INTS4: variants seen among roughly 807,000 people sequenced by gnomAD.
INTS4 encodes MSTP093.
A neutral mutation model predicts 119.5 loss-of-function variants in INTS4; 70 were observed. The ratio of observed to expected loss-of-function variants is 0.59; its 90% confidence interval spans 0.48 to 0.71. The LOEUF (loss-of-function observed/expected upper bound fraction) is 0.71. INTS4 is among the 30% of genes least tolerant of loss of function. INTS4 has a pLI of 0.00. For missense variants in INTS4, 867 were observed against 1,173.2 expected, an observed-to-expected ratio of 0.74 and a Z score of 3.81; for synonymous variants, 316 against 419.6, an observed-to-expected ratio of 0.75 and a Z score of 3.02.
intron 16 of INTS4, among the ~76,000 whole-genome samples, chr11:77,906,036 T>G (rs955924361): frequency 1.3e-5 from 2 of 152,210 alleles, no homozygotes; most frequent in Admixed American, 6.5e-5. Flanking sequence ...ATCTTTAAAT[T>G]TTTTAAATTA....
At chr11:77,962,958 T>A (rs563748923) in intron 4 of INTS4, among the ~76,000 whole-genome samples, 204 of 152,206 alleles carry the variant, frequency 1.3e-3, no homozygotes, top group Non-Finnish European at 2.2e-3. Flanking sequence ...GAGGTTTCAG[T>A]GAGCCAAGAT....
rs1250945524 is a variant in INTS4 at position 77,949,348 on chromosome 11, C to T, written c.918+6594G>A. Among the ~76,000 whole-genome samples the T allele has an allele frequency of 7.2e-5, 11 of 151,888 alleles. No homozygotes were observed. The East Asian group carries it at 1.2e-3, about 16-fold the overall frequency. ...ACTAAAACACCAAAAGCAATGGCAA[C>T]GAAGCCAAAATTGAGAAATGGGATC... On this transcript the variant is annotated intron_variant, in intron 8 of 22. Coordinates refer to ENST00000534064, the MANE Select transcript of INTS4 (RefSeq NM_033547.4).
intron 2 of INTS4, among the ~76,000 whole-genome samples, chr11:77,986,825 C>A (rs558643211): frequency 1.8e-5 from 2 of 108,836 alleles, no homozygotes; most frequent in African/African-American, 3.6e-5. Context: ...CATCACACAC[C>A]GGGGCCTGTT....
Position 77,971,088 on chromosome 11 carries a change from G to A in INTS4, c.471+7908C>T, listed in dbSNP as rs140003180. 1.2e-3 allele frequency among the ~76,000 whole-genome samples: 180 copies of A among 152,164 alleles called. 1 individual carries two copies. Among genetic ancestry groups the A allele is most frequent in the African/African-American group, 3.9e-3 (162 of 41,570 alleles). ...CTCCCACAGTGCTGGGATTACAGGC[G>A]TGAGCCACAGCACCCAGCTCATTGT... On this transcript the variant is annotated intron_variant, in intron 4 of 22. Transcript: ENST00000534064.
intron 10 of INTS4, among the ~76,000 whole-genome samples, chr11:77,934,036 G>C (rs975784615): frequency 8.3e-5 from 5 of 60,152 alleles, no homozygotes; most frequent in Non-Finnish European, 1.3e-4. Flanking sequence ...ACTCCATTTT[G>C]TTCTGTACTA....
At chr11:77,959,036 C>T (rs568625457) in intron 6 of INTS4, among the ~76,000 whole-genome samples, 2 of 152,290 alleles carry the variant, frequency 1.3e-5, no homozygotes, top group Non-Finnish European at 2.9e-5. Context: ...ATGCACCCTA[C>T]CCCATGTCTG....
At chr11:77,904,656 A>C (rs1291998227) in intron 16 of INTS4, among the ~76,000 whole-genome samples, 2 of 152,188 alleles carry the variant, frequency 1.3e-5, no homozygotes, top group Non-Finnish European at 2.9e-5. Flanking sequence ...GAATTTCTGG[A>C]ATATTTACTT....
chr11:77,978,277 C>T (rs1856037180), intron 4 of INTS4: 2 of 152,240 alleles, frequency 1.3e-5, no homozygotes, highest in South Asian at 4.1e-4. Flanking sequence ...AGTAATCTTT[C>T]CTGCATCTCT....
At chr11:77,991,357 T>C in intron 1 of INTS4, 58 bp from the exon 2 acceptor site, 1 of 1,348,750 alleles carries the variant, frequency 7.4e-7, no homozygotes, top group Non-Finnish European at 1.1e-6. Flanking sequence ...TTTGCCTCAT[T>C]TGGTGGAAAT....
intron 15 of INTS4, among the ~76,000 whole-genome samples, chr11:77,917,099 G>A (rs1285557668): frequency 6.6e-6 from 1 of 152,066 alleles, no homozygotes; most frequent in Non-Finnish European, 1.5e-5. Flanking sequence ...ACCATCATAA[G>A]TCTTTGTCTA....
rs770904319 is a variant in INTS4, at chr11:77,928,326, A to G, written c.1371+16T>C. On this transcript the variant is annotated intron_variant, in intron 11 of 22. Transcript: ENST00000534064. ...GTGAGGGATGAAGAAATGAGTAACA[A>G]ATTAGAAACACTCACCTCTAGCACA... 1.9e-6 allele frequency: 3 copies of G among 1,612,636 alleles called. No individual in the cohort carries two copies. The Admixed American group carries it at 5.0e-5, about 27-fold the overall frequency.
chr11:77,951,029 C>T (rs1356746719), intron 8 of INTS4, among the ~76,000 whole-genome samples: 2 of 152,038 alleles, frequency 1.3e-5, no homozygotes, highest in Admixed American at 1.3e-4. Context: ...CAGCTTCATC[C>T]ATGTCCCTAC....
intron 10 of INTS4, among the ~76,000 whole-genome samples, chr11:77,936,467 C>T (rs1191463839): frequency 6.6e-6 from 1 of 152,150 alleles, no homozygotes; most frequent in African/African-American, 2.4e-5. Context: ...CCTGCAACCT[C>T]TAACTCCTGC....
At chr11:77,932,657 CAT>C (rs1177557189) in intron 10 of INTS4, among the ~76,000 whole-genome samples, 1 of 152,132 alleles carries the variant, frequency 6.6e-6, no homozygotes, top group Non-Finnish European at 1.5e-5. Flanking sequence ...CACATGCACA[CAT>C]ATGTTTATTG....
At chr11:77,916,031 A>G (rs1436876184) in intron 15 of INTS4, among the ~76,000 whole-genome samples, 2 of 152,170 alleles carry the variant, frequency 1.3e-5, no homozygotes, top group African/African-American at 4.8e-5. Flanking sequence ...GGCTCTGGAA[A>G]TCATTCCTGG....
intron 10 of INTS4, among the ~76,000 whole-genome samples, chr11:77,933,023 G>T (rs1953693305): frequency 6.6e-6 from 1 of 151,504 alleles, no homozygotes. Context: ...TGGGTTGACG[G>T]GTGCAGCAAA....
intron 4 of INTS4, chr11:77,978,319 C>T (rs1457071111): frequency 6.6e-6 from 1 of 152,106 alleles, no homozygotes; most frequent in Non-Finnish European, 1.5e-5. Flanking sequence ...GAATATAATA[C>T]TCTAACACAA....
chr11:77,882,173 C>T (rs1257350000), intron 22 of INTS4, among the ~76,000 whole-genome samples: 1 of 152,152 alleles, frequency 6.6e-6, no homozygotes, highest in Non-Finnish European at 1.5e-5. Context: ...ACCTCAGCCT[C>T]CCGAAGATTA....
rs537275819 is a variant in INTS4, at chr11:77,933,434, C to T, written c.1166-4887G>A. Reference sequence around the variant, plus strand: ...GGAGACGGGGTTTCGCTGTGTTGGCCGGGCTGGTCTCCAGCTCCTAACCGC... The same window carrying T: ...GGAGACGGGGTTTCGCTGTGTTGGCTGGGCTGGTCTCCAGCTCCTAACCGC... On this transcript the variant is annotated intron_variant, in intron 10 of 22. Coordinates refer to ENST00000534064, the MANE Select transcript of INTS4 (RefSeq NM_033547.4). Among the ~76,000 whole-genome samples, 592 of 152,306 alleles carry T rather than the reference C, an allele frequency of 3.9e-3. 5 individuals are homozygous for T. Among genetic ancestry groups the T allele is most frequent in the African/African-American group, 0.013 (557 of 41,560 alleles).
Sources: allele counts gnomAD v4.1 joint callset (sites outside exome capture counted in the v4.1 genomes callset), GRCh38; gene constraint gnomAD v4.1.1; transcripts MANE v1.5; gene names NCBI Gene and HGNC (gene_info 2026-07-23, HGNC 2026-07-21).